LHFPL2: variants seen among roughly 807,000 people sequenced by gnomAD.
LHFPL2 encodes LHFPL tetraspan subfamily member 2.
In LHFPL2, 7 loss-of-function variants were observed where a neutral mutation model predicts 17.5. That is an observed-to-expected ratio of 0.40 (90% CI 0.23 to 0.75). The LOEUF (loss-of-function observed/expected upper bound fraction) is 0.75, where lower values mean the gene tolerates loss of function less well. Among genes scored for constraint, LHFPL2 ranks in the 30% least tolerant of loss-of-function variants. The pLI is 0.37. For synonymous variants in LHFPL2, 134 were observed against 116.2 expected (o/e 1.15, Z -0.99); for missense variants, 241 against 294.8 (o/e 0.82, Z 1.34).
At chr5:78,568,890 G>A (rs1756925444) in intron 2 of LHFPL2, among the ~76,000 whole-genome samples, 1 of 152,138 alleles carries the variant, frequency 6.6e-6, no homozygotes, top group Admixed American at 6.5e-5. Context: ...ATTACTAAAA[G>A]GGGGCCGGAG....
At chr5:78,557,713 T>C (rs1756616645) in intron 3 of LHFPL2, among the ~76,000 whole-genome samples, 1 of 152,218 alleles carries the variant, frequency 6.6e-6, no homozygotes, top group Non-Finnish European at 1.5e-5. Flanking sequence ...TCCAAGTTCA[T>C]TCGGACTTGC....
chr5:78,620,774 C>T (rs142652211), intron 2 of LHFPL2, among the ~76,000 whole-genome samples: 1 of 152,316 alleles, frequency 6.6e-6, no homozygotes, highest in East Asian at 1.9e-4. Flanking sequence ...AAACCCTGTG[C>T]TGGGGCGCCC....
intron 3 of LHFPL2, among the ~76,000 whole-genome samples, chr5:78,531,865 G>A (rs967951582): frequency 2.6e-5 from 4 of 151,760 alleles, no homozygotes; most frequent in Non-Finnish European, 4.4e-5. Context: ...GGGCTCAAGC[G>A]ATCCTCCTAC....
intron 3 of LHFPL2, chr5:78,549,213 C>A (rs903381555): frequency 6.6e-6 from 1 of 152,174 alleles, no homozygotes; most frequent in Non-Finnish European, 1.5e-5. Context: ...GCCCCTTATC[C>A]TTCTGGGGCG....
chr5:78,508,337 G>A (rs955861288), intron 4 of LHFPL2, among the ~76,000 whole-genome samples: 58 of 152,160 alleles, frequency 3.8e-4, no homozygotes, highest in African/African-American at 1.3e-3. Flanking sequence ...TTGTGGTGTG[G>A]CTGATCCTGG....
intron 3 of LHFPL2, among the ~76,000 whole-genome samples, chr5:78,534,287 A>T (rs752085367): frequency 2.6e-5 from 4 of 152,184 alleles, no homozygotes; most frequent in Non-Finnish European, 5.9e-5. Flanking sequence ...GAGGACAGGA[A>T]GCACAGGCCT....
At chr5:78,541,467 C>A (rs1756112205) in intron 3 of LHFPL2, among the ~76,000 whole-genome samples, 2 of 152,174 alleles carry the variant, frequency 1.3e-5, no homozygotes, top group Admixed American at 6.5e-5. Context: ...AACCGCACAG[C>A]CCACTTGCTA....
intron 2 of LHFPL2, among the ~76,000 whole-genome samples, chr5:78,598,056 G>A (rs138633770): frequency 1.3e-5 from 2 of 152,260 alleles, no homozygotes; most frequent in African/African-American, 4.8e-5. Context: ...AGGCAACCCT[G>A]ACTTAGTCAT....
intron 3 of LHFPL2, among the ~76,000 whole-genome samples, chr5:78,556,968 T>G (rs1756587239): frequency 6.6e-6 from 1 of 152,156 alleles, no homozygotes; most frequent in Non-Finnish European, 1.5e-5. Flanking sequence ...AATCCTTTTT[T>G]TTTTTTATAC....
intron 4 of LHFPL2, chr5:78,491,376 C>G (rs773634979): frequency 1.3e-5 from 2 of 152,548 alleles, no homozygotes; most frequent in African/African-American, 4.8e-5. Flanking sequence ...CTGGGAAGAG[C>G]AAGTGAAGCT....
intron 2 of LHFPL2, among the ~76,000 whole-genome samples, chr5:78,601,578 G>C (rs1314254334): frequency 6.6e-6 from 1 of 152,192 alleles, no homozygotes; most frequent in Non-Finnish European, 1.5e-5. Flanking sequence ...AACCATGTCT[G>C]TGTAGCAAAT....
intron 2 of LHFPL2, among the ~76,000 whole-genome samples, chr5:78,574,003 T>C (rs962415671): frequency 2.0e-5 from 3 of 152,296 alleles, no homozygotes; most frequent in African/African-American, 7.2e-5. Context: ...AGGAAACAAA[T>C]TGTAACTAAA....
At chr5:78,517,813 C>A (rs901191497) in intron 3 of LHFPL2, among the ~76,000 whole-genome samples, 1 of 152,136 alleles carries the variant, frequency 6.6e-6, no homozygotes. Flanking sequence ...GCATCTATAG[C>A]CAGAGACGGA....
intron 2 of LHFPL2, among the ~76,000 whole-genome samples, chr5:78,609,473 A>AAAAAGAGAG (rs1744340731): frequency 1.4e-5 from 2 of 145,396 alleles, no homozygotes; most frequent in Non-Finnish European, 3.0e-5. Flanking sequence ...AAAAAAAAAA[A>AAAAAGAGAG]AAAGAGAGAG....
At chr5:78,595,930 G>T (rs1304908307) in intron 2 of LHFPL2, among the ~76,000 whole-genome samples, 1 of 152,106 alleles carries the variant, frequency 6.6e-6, no homozygotes, top group Non-Finnish European at 1.5e-5. Context: ...CTGGTAAAGG[G>T]GAGTCCAAGA....
At chr5:78,555,489 A>C (rs958536390) in intron 3 of LHFPL2, among the ~76,000 whole-genome samples, 1 of 152,238 alleles carries the variant, frequency 6.6e-6, no homozygotes, top group African/African-American at 2.4e-5. Flanking sequence ...TGGAAGGAGG[A>C]AGGAGGACAG....
At chr5:78,571,605 G>A (rs1254786665) in intron 2 of LHFPL2, among the ~76,000 whole-genome samples, 1 of 152,160 alleles carries the variant, frequency 6.6e-6, no homozygotes, top group Non-Finnish European at 1.5e-5. Context: ...GACTGGGAAG[G>A]ACTAACAGAG....
At chr5:78,517,349 T>G (rs2084287603) in intron 3 of LHFPL2, among the ~76,000 whole-genome samples, 1 of 152,220 alleles carries the variant, frequency 6.6e-6, no homozygotes, top group African/African-American at 2.4e-5. Flanking sequence ...GTTTCTTTCT[T>G]GATGCCAACT....
intron 3 of LHFPL2, among the ~76,000 whole-genome samples, chr5:78,534,853 C>T (rs531276882): frequency 6.6e-6 from 1 of 152,288 alleles, no homozygotes; most frequent in East Asian, 1.9e-4. Flanking sequence ...TGTGTGGGAG[C>T]GGGTAGAGGC....
Sources: allele counts gnomAD v4.1 joint callset (sites outside exome capture counted in the v4.1 genomes callset), GRCh38; gene constraint gnomAD v4.1.1; transcripts MANE v1.5; gene names NCBI Gene and HGNC (gene_info 2026-07-23, HGNC 2026-07-21).